NKAIN1: variants seen among roughly 807,000 people sequenced by gnomAD.
The protein encoded by NKAIN1 is sodium/potassium-transporting ATPase subunit beta-1-interacting protein 1.
NKAIN1 carries 13 observed loss-of-function variants against 31.6 expected under a neutral mutation model. The observed-to-expected ratio is 0.41, with a 90% CI of 0.27 to 0.65. NKAIN1 has a LOEUF of 0.65. NKAIN1 is among the 30% of genes least tolerant of loss of function. NKAIN1 has a pLI of 0.30. For missense variants in NKAIN1, 193 were observed against 262.2 expected (o/e 0.74, Z 1.82); for synonymous variants, 104 against 109.0 (o/e 0.95, Z 0.28).
Position 31,181,480 on chromosome 1 carries a change from C to T in NKAIN1, c.*223G>A. The stretch of plus-strand genomic sequence containing the variant: ...AAACCCGTGGTGCCCCTCCCCCGCC[C>T]CGCCCCACTCCTCCGAAGTCCGGGC... On this transcript the variant is annotated 3_prime_UTR_variant, in exon 7 of 7. Coordinates refer to ENST00000373736, the MANE Select transcript of NKAIN1 (RefSeq NM_024522.3). The T allele has an allele frequency of 2.4e-6, 1 of 419,908 alleles. No individual in the cohort carries two copies. Among genetic ancestry groups the T allele is most frequent in the East Asian group, 3.6e-5 (1 of 28,134 alleles). The allele number at this position is 419,908 out of a possible 1,614,324, so 26.0% of individuals were successfully genotyped here. A position where few individuals can be genotyped will look rare whatever the true frequency, so the allele number is the denominator to read the frequency against.
intron 1 of NKAIN1, among the ~76,000 whole-genome samples, chr1:31,221,529 G>T (rs549418294): frequency 6.6e-6 from 1 of 152,052 alleles, no homozygotes; most frequent in Non-Finnish European, 1.5e-5. Context: ...TCCGCCTCCC[G>T]GGTTCAAGCG....
rs1490142139 is a variant in NKAIN1, at chr1:31,239,336, A to C, written c.54+158T>G. 6.6e-6 allele frequency among the ~76,000 whole-genome samples: 1 copy of C among 152,020 alleles called. No individual in the cohort carries two copies. The highest frequency in any genetic ancestry group is 1.5e-5 in the Non-Finnish European group (1 of 67,992). On this transcript the variant is annotated intron_variant, in intron 1 of 6. Transcript: ENST00000373736. This position sits in a 1 kb window ranked among gnomAD's most constrained non-coding sequence, Gnocchi z 4.8. The stretch of plus-strand genomic sequence containing the variant: ...AAGAGACAGCCCGGCCAGCGGGAGC[A>C]GGCTCCGCCCGACCGCTCCGAGACT...
In NKAIN1 at chr1:31,190,019, A is replaced by G. The variant is rs180729021; in HGVS notation, c.55-1832T>C. Among the ~76,000 whole-genome samples, 44 of 152,344 alleles carry G rather than the reference A, an allele frequency of 2.9e-4. No homozygotes were observed. In the East Asian group the frequency reaches 4.1e-3, roughly 14 times the overall value. ...CAGGCCTCTGAATACAGCCATGCCT[A>G]AAGCTGGTTCTCCCTCCTTGTCCTG... is the stretch of plus-strand genomic sequence containing the variant. On this transcript the variant is annotated intron_variant, in intron 1 of 6. Coordinates refer to ENST00000373736, the MANE Select transcript of NKAIN1 (RefSeq NM_024522.3).
At chr1:31,221,870 C>T (rs1004612532) in intron 1 of NKAIN1, among the ~76,000 whole-genome samples, 12 of 151,850 alleles carry the variant, frequency 7.9e-5, no homozygotes, top group Non-Finnish European at 1.8e-4. Context: ...AGTATCAGAA[C>T]TGCATTTTAT....
rs1308552090 is a variant in NKAIN1, at chr1:31,202,381, A to AG, written c.55-14195_55-14194insC. On this transcript the variant is annotated intron_variant, in intron 1 of 6. Coordinates refer to ENST00000373736, the MANE Select transcript of NKAIN1 (RefSeq NM_024522.3). The stretch of plus-strand genomic sequence containing the variant: ...CTACCAAGGGGAAGTCTAAAAAAAA[A>AG]TCAGGCCGGGGACCAGGCAGGGTGG... 7.9e-5 allele frequency among the ~76,000 whole-genome samples: 12 copies of AG among 152,194 alleles called. 1 individual carries two copies. The highest frequency in any genetic ancestry group is 4.4e-5 in the Non-Finnish European group (3 of 68,030).
intron 1 of NKAIN1, among the ~76,000 whole-genome samples, chr1:31,227,152 G>A (rs1645614480): frequency 6.6e-6 from 1 of 152,140 alleles, no homozygotes; most frequent in Admixed American, 6.5e-5. Context: ...CCCTTTATGA[G>A]TTCCACTAAG....
chr1:31,189,210 G>T (rs552380185), intron 1 of NKAIN1, among the ~76,000 whole-genome samples: 1 of 151,908 alleles, frequency 6.6e-6, no homozygotes, highest in African/African-American at 2.4e-5. Flanking sequence ...AGATCACCCC[G>T]GGTCACTAGC....
intron 1 of NKAIN1, among the ~76,000 whole-genome samples, chr1:31,215,918 C>A (rs1177400148): frequency 6.6e-6 from 1 of 152,118 alleles, no homozygotes; most frequent in Non-Finnish European, 1.5e-5. Flanking sequence ...TGCCCCATGT[C>A]ATTCAGCTCT....
intron 1 of NKAIN1, among the ~76,000 whole-genome samples, chr1:31,196,285 G>A (rs1410988429): frequency 3.3e-5 from 5 of 152,016 alleles, no homozygotes; most frequent in East Asian, 3.9e-4. Flanking sequence ...AGGCCGAGGC[G>A]GGTGGATCAC....
chr1:31,202,448 T>C (rs138793575), intron 1 of NKAIN1, among the ~76,000 whole-genome samples: 6,098 of 151,880 alleles, frequency 0.04, 334 homozygotes, highest in African/African-American at 0.12. Flanking sequence ...GAGGCCGAGG[T>C]GGGCGGATCA....
At chr1:31,205,613 G>GTT (rs761138403) in intron 1 of NKAIN1, among the ~76,000 whole-genome samples, 49,538 of 96,246 alleles carry the variant, frequency 0.51, 15,440 homozygotes, top group Middle Eastern at 0.79. Flanking sequence ...AGCCGGACAA[G>GTT]TTTTTTTTTT....
chr1:31,195,075 CTTT>C (rs1557652140), intron 1 of NKAIN1, among the ~76,000 whole-genome samples: 1 of 146,570 alleles, frequency 6.8e-6, no homozygotes, highest in Non-Finnish European at 1.5e-5. Flanking sequence ...CTGACTCTTT[CTTT>C]TTTTCTTTCT....
rs116991691 is a variant in NKAIN1, at chr1:31,230,683, T to C, written c.54+8811A>G. ...GGGCCTAAACCCAGCTCTCCCCCCA[T>C]GGCCTGGATCTAGTGTTCAATTTAA... On this transcript the variant is annotated intron_variant, in intron 1 of 6. Transcript: ENST00000373736. Among the ~76,000 whole-genome samples, 1,004 of 152,256 alleles carry C rather than the reference T, an allele frequency of 6.6e-3. 62 individuals are homozygous for C. In the East Asian group the frequency reaches 0.13, roughly 19 times the overall value.
At chr1:31,201,314 T>C (rs918466790) in intron 1 of NKAIN1, among the ~76,000 whole-genome samples, 3 of 151,994 alleles carry the variant, frequency 2.0e-5, no homozygotes, top group Non-Finnish European at 2.9e-5. Context: ...GGAGCACTCA[T>C]TGTCTATAAA....
chr1:31,182,713 T>C (rs1645212980), intron 4 of NKAIN1, 123 bp from the exon 5 acceptor site: 10 of 896,272 alleles, frequency 1.1e-5, no homozygotes, highest in Non-Finnish European at 1.8e-5. Flanking sequence ...AGGCAAACCG[T>C]AACAACTTCC....
intron 6 of NKAIN1, 52 bp from the exon 7 acceptor site, chr1:31,181,764 C>T: frequency 6.5e-7 from 1 of 1,539,166 alleles, no homozygotes; most frequent in Non-Finnish European, 8.8e-7. Flanking sequence ...AGTATGGGGG[C>T]GGAGAGACCC....
At chr1:31,214,610 C>A (rs1645496536) in intron 1 of NKAIN1, among the ~76,000 whole-genome samples, 1 of 152,106 alleles carries the variant, frequency 6.6e-6, no homozygotes, top group African/African-American at 2.4e-5. Context: ...GCACAAAATC[C>A]CTGTTGTGCT....
chr1:31,222,482 C>T (rs1024714474), intron 1 of NKAIN1, among the ~76,000 whole-genome samples: 1 of 152,224 alleles, frequency 6.6e-6, no homozygotes, highest in Non-Finnish European at 1.5e-5. Flanking sequence ...CCTTCACTTT[C>T]CTTTGCCAAG....
chr1:31,205,812 AG>A (rs1236398667), intron 1 of NKAIN1, among the ~76,000 whole-genome samples: 2 of 150,910 alleles, frequency 1.3e-5, no homozygotes, highest in African/African-American at 4.9e-5. Flanking sequence ...TAGTAGAGAC[AG>A]GGTTTCACTA....
Sources: allele counts gnomAD v4.1 joint callset (sites outside exome capture counted in the v4.1 genomes callset), GRCh38; gene constraint gnomAD v4.1.1; non-coding constraint Gnocchi (gnomAD v3.1); transcripts MANE v1.5; gene names NCBI Gene and HGNC (gene_info 2026-07-23, HGNC 2026-07-21).